Variants in PARD3B observed in about 807,000 individuals in gnomAD.
PARD3B encodes par-3 family cell polarity regulator beta, also known as partitioning defective 3 homolog B.
A neutral mutation model predicts 130.2 loss-of-function variants in PARD3B; 103 were observed. The observed-to-expected ratio is 0.79, with a 90% CI of 0.67 to 0.93. The LOEUF is 0.93. Ranked by LOEUF, PARD3B falls within the 40% of genes least tolerant of loss-of-function variation. PARD3B has a pLI of 0.00. For synonymous variants in PARD3B, 583 were observed against 553.2 expected, an observed-to-expected ratio of 1.05 and a Z score of -0.76; for missense variants, 1,609 against 1,499.2, an observed-to-expected ratio of 1.07 and a Z score of -1.21.
intron 3 of PARD3B, among the ~76,000 whole-genome samples, chr2:204,977,145 T>C (rs1489918885): frequency 1.3e-5 from 2 of 152,192 alleles, no homozygotes; most frequent in Non-Finnish European, 2.9e-5. Flanking sequence ...AATAGTATAA[T>C]TACCACAAAG....
At chr2:205,226,425 G>A (rs557838116) in intron 15 of PARD3B, among the ~76,000 whole-genome samples, 4 of 152,292 alleles carry the variant, frequency 2.6e-5, no homozygotes, top group South Asian at 2.1e-4. Flanking sequence ...TCAAGAAATC[G>A]TTGCCGAGTC....
In PARD3B at chr2:205,591,441, AC is replaced by A. The variant is rs1457084834; in HGVS notation, c.3261-24013del. 2.6e-5 allele frequency among the ~76,000 whole-genome samples: 4 copies of A among 152,214 alleles called. No individual in the cohort carries two copies. On this transcript the variant is annotated intron_variant, in intron 22 of 22. Transcript: ENST00000406610. The surrounding 1 kb of genome is among the most constrained non-coding windows in gnomAD (Gnocchi z 4.2). ...GGGGCAGGAATAATAATAACTGCCTACCATTATCAGTCACTTACCACACCCA... is the reference window on the plus strand; with the variant it reads ...GGGGCAGGAATAATAATAACTGCCTACATTATCAGTCACTTACCACACCCA...
intron 20 of PARD3B, among the ~76,000 whole-genome samples, chr2:205,476,343 C>T (rs2049020650): frequency 6.6e-6 from 1 of 152,100 alleles, no homozygotes; most frequent in Non-Finnish European, 1.5e-5. Flanking sequence ...GGTGAAGTTT[C>T]CTTTTTTTCA....
At chr2:205,022,421 G>T (rs1385313865) in intron 3 of PARD3B, among the ~76,000 whole-genome samples, 1 of 152,006 alleles carries the variant, frequency 6.6e-6, no homozygotes, top group African/African-American at 2.4e-5. Flanking sequence ...AATCTTAATG[G>T]GCTAGAACAA....
At chr2:205,484,076 A>C (rs970332475) in intron 20 of PARD3B, among the ~76,000 whole-genome samples, 1 of 152,204 alleles carries the variant, frequency 6.6e-6, no homozygotes, top group African/African-American at 2.4e-5. Flanking sequence ...TACCACGGAC[A>C]ATATTAAAAG....
At chr2:205,542,957 T>G (rs1861438) in intron 21 of PARD3B, among the ~76,000 whole-genome samples, 152,052 of 152,346 alleles carry the variant, frequency 1, 75,879 homozygotes, top group Middle Eastern at 1. Flanking sequence ...AAGCTCCCTT[T>G]AAAACATTTT....
chr2:204,658,896 A>G (rs183694242), intron 1 of PARD3B, among the ~76,000 whole-genome samples: 67 of 152,326 alleles, frequency 4.4e-4, no homozygotes, highest in Middle Eastern at 6.8e-3. Flanking sequence ...TGTCCAATCA[A>G]TCCCCATCAT....
In PARD3B at chr2:204,736,969, T is replaced by C. The variant is rs549992882; in HGVS notation, c.222+50687T>C. Among the ~76,000 whole-genome samples the C allele has an allele frequency of 2.6e-5, 4 of 152,304 alleles. No homozygotes were observed. In the East Asian group the frequency reaches 7.7e-4, roughly 29 times the overall value. On this transcript the variant is annotated intron_variant, in intron 2 of 22. Transcript: ENST00000406610. ...TTTTTTGACTATTTATTTATTGAGA[T>C]GGAGTTTTGCCCTTGTTGCCCAGGC... is the stretch of plus-strand genomic sequence containing the variant.
chr2:204,620,281 G>A (rs146095221), intron 1 of PARD3B, among the ~76,000 whole-genome samples: 425 of 152,248 alleles, frequency 2.8e-3, no homozygotes, highest in African/African-American at 9.6e-3. Flanking sequence ...GGAGTTACAG[G>A]CGTGAGACAC....
intron 2 of PARD3B, among the ~76,000 whole-genome samples, chr2:204,718,721 G>T (rs1156585454): frequency 6.6e-6 from 1 of 152,152 alleles, no homozygotes; most frequent in Non-Finnish European, 1.5e-5. Context: ...GGTCAGATTC[G>T]CAGGGAGCAA....
rs139976209 is a variant in PARD3B at position 204,738,120 on chromosome 2, G to A, written c.222+51838G>A. 8.3e-3 allele frequency among the ~76,000 whole-genome samples: 1,258 copies of A among 152,088 alleles called. 18 individuals carry two copies. Among genetic ancestry groups the A allele is most frequent in the African/African-American group, 0.029 (1,197 of 41,472 alleles). On this transcript the variant is annotated intron_variant, in intron 2 of 22. Transcript: ENST00000406610. The stretch of plus-strand genomic sequence containing the variant: ...TCTAATTCTGTGAAAAATGATGTTG[G>A]TATTTTGATGGAAATTGCATTGAAT...
chr2:204,628,277 C>T (rs906815301), intron 1 of PARD3B, among the ~76,000 whole-genome samples: 4 of 78,642 alleles, frequency 5.1e-5, no homozygotes, highest in South Asian at 4.0e-4. Flanking sequence ...TCTAAATTCC[C>T]GTTTTTTTTT....
intron 2 of PARD3B, among the ~76,000 whole-genome samples, chr2:204,774,802 C>T (rs1468372270): frequency 6.6e-6 from 1 of 152,056 alleles, no homozygotes; most frequent in Non-Finnish European, 1.5e-5. Context: ...GGAATTTGCT[C>T]AGTATGCTTT....
chr2:205,215,648 A>G (rs1177188595), intron 15 of PARD3B, among the ~76,000 whole-genome samples: 1 of 152,144 alleles, frequency 6.6e-6, no homozygotes, highest in Non-Finnish European at 1.5e-5. Flanking sequence ...TGAAATATAT[A>G]TGTTCCAGTG....
At chr2:205,261,043 T>G (rs1275216626) in intron 16 of PARD3B, among the ~76,000 whole-genome samples, 1 of 152,140 alleles carries the variant, frequency 6.6e-6, no homozygotes, top group Non-Finnish European at 1.5e-5. Context: ...TGTTGGTTTT[T>G]TCACTTGTTT....
At chr2:205,279,906 C>G (rs527477676) in intron 16 of PARD3B, among the ~76,000 whole-genome samples, 2 of 152,260 alleles carry the variant, frequency 1.3e-5, no homozygotes, top group East Asian at 3.9e-4. Flanking sequence ...AGCAGGGAGC[C>G]TAAATACAGC....
intron 2 of PARD3B, among the ~76,000 whole-genome samples, chr2:204,871,223 T>C (rs193291365): frequency 3.7e-4 from 56 of 152,288 alleles, no homozygotes; most frequent in African/African-American, 1.2e-3. Flanking sequence ...GAGATATTTG[T>C]AGACTGTTCA....
At chr2:205,439,429 A>G (rs757666340) in intron 19 of PARD3B, among the ~76,000 whole-genome samples, 1 of 152,194 alleles carries the variant, frequency 6.6e-6, no homozygotes, top group Non-Finnish European at 1.5e-5. Context: ...ACCTCCTCAC[A>G]CCATCAAGAT....
intron 2 of PARD3B, among the ~76,000 whole-genome samples, chr2:204,817,303 A>G (rs892944186): frequency 1.3e-5 from 2 of 151,216 alleles, no homozygotes; most frequent in Non-Finnish European, 2.9e-5. Flanking sequence ...GGCACTGGAT[A>G]TTATTTTTAT....
Sources: allele counts gnomAD v4.1 joint callset (sites outside exome capture counted in the v4.1 genomes callset), GRCh38; gene constraint gnomAD v4.1.1; non-coding constraint Gnocchi (gnomAD v3.1); transcripts MANE v1.5; gene names NCBI Gene and HGNC (gene_info 2026-07-23, HGNC 2026-07-21).